Variants in SH3KBP1 observed in about 807,000 individuals in gnomAD.
The protein encoded by SH3KBP1 is SH3 domain containing kinase binding protein 1, also known as SH3 domain-containing kinase-binding protein 1.
A neutral mutation model predicts 50.1 loss-of-function variants in SH3KBP1; 8 were observed. The ratio of observed to expected loss-of-function variants is 0.16; its 90% CI spans 0.09 to 0.29. The LOEUF is 0.29. SH3KBP1 is among the 10% of genes least tolerant of loss of function. The pLI is 1.00. For synonymous variants in SH3KBP1, 227 were observed against 218.6 expected (o/e 1.04, Z -0.34); for missense variants, 377 against 535.2 (o/e 0.70, Z 2.92).
intron 7 of SH3KBP1, among the ~76,000 whole-genome samples, chrX:19,640,357 C>T (rs918114543): frequency 1.8e-5 from 2 of 111,269 alleles, no homozygotes; most frequent in Non-Finnish European, 3.8e-5. Context: ...AGAAACAGGA[C>T]CTGAGTCCAC....
chrX:19,834,606 C>T (rs906215750), intron 2 of SH3KBP1, among the ~76,000 whole-genome samples: 9 of 112,438 alleles, frequency 8.0e-5, no homozygotes, highest in African/African-American at 2.9e-4. Flanking sequence ...GAATGAGTTA[C>T]ATTTTTATAA....
intron 6 of SH3KBP1, among the ~76,000 whole-genome samples, chrX:19,676,477 ATAACT>A (rs1414328041): frequency 1.8e-5 from 2 of 111,637 alleles, no homozygotes; most frequent in Non-Finnish European, 3.8e-5. Context: ...ACATTTTAAA[ATAACT>A]TAAAGAGTAT....
chrX:19,875,674 G>A (rs931650359), intron 1 of SH3KBP1, among the ~76,000 whole-genome samples: 7 of 112,719 alleles, frequency 6.2e-5, no homozygotes, highest in African/African-American at 2.3e-4. Flanking sequence ...CTGTGTATAT[G>A]GAGGGTGGAG....
At chrX:19,836,065 T>A (rs1475916092) in intron 2 of SH3KBP1, 60 bp downstream of exon 2, 10 of 1,113,665 alleles carry the variant, frequency 9.0e-6, no homozygotes, top group Non-Finnish European at 1.2e-5. Context: ...AGCGCCCCCA[T>A]AGACTTTGGT....
At chrX:19,860,384 A>G (rs762122677) in intron 1 of SH3KBP1, among the ~76,000 whole-genome samples, 2 of 110,728 alleles carry the variant, frequency 1.8e-5, no homozygotes, top group South Asian at 3.8e-4. Context: ...TAAATATTGT[A>G]TAATTCTACT....
chrX:19,867,500 A>G (rs1225982084), intron 1 of SH3KBP1, among the ~76,000 whole-genome samples: 2 of 111,951 alleles, frequency 1.8e-5, no homozygotes, highest in Non-Finnish European at 3.8e-5. Context: ...TGAAATTGCA[A>G]CTGCAGTGTG....
At position 19,774,733 on chromosome X, in the gene SH3KBP1, T is replaced by C. The variant is rs907164032; in HGVS notation, c.163-28292A>G. On this transcript the variant is annotated intron_variant, in intron 2 of 17. Coordinates refer to ENST00000397821, the MANE Select transcript of SH3KBP1 (RefSeq NM_031892.3). ...AAGAAGAAACCTAAGGAAATTCTAG[T>C]TTATACTGCCTTCCCCAATAAATAT... is the stretch of plus-strand genomic sequence containing the variant. Among the ~76,000 whole-genome samples the C allele has an allele frequency of 6.4e-5, 7 of 109,454 alleles. No individual in the cohort carries two copies. In the Admixed American group the frequency reaches 6.8e-4, roughly 11 times the overall value.
At chrX:19,608,197 G>A in intron 8 of SH3KBP1, 152 bp from the exon 9 acceptor site, 2 of 436,087 alleles carry the variant, frequency 4.6e-6, no homozygotes, top group Non-Finnish European at 7.7e-6. Flanking sequence ...AATGTCAGAG[G>A]GGAAAACAAA....
chrX:19,663,229 TA>T (rs972288575), intron 6 of SH3KBP1, among the ~76,000 whole-genome samples: 15 of 112,031 alleles, frequency 1.3e-4, no homozygotes, highest in Non-Finnish European at 2.6e-4. Context: ...AACCCTCATT[TA>T]AAAAAACAAA....
chrX:19,770,765 C>T (rs58837043), intron 2 of SH3KBP1, among the ~76,000 whole-genome samples: 7,405 of 108,241 alleles, frequency 0.068, 663 homozygotes, highest in African/African-American at 0.24. Context: ...TGGTACCTCA[C>T]TGTGGTTTTG....
At chrX:19,667,292 T>A (rs967684026) in intron 6 of SH3KBP1, among the ~76,000 whole-genome samples, 3 of 111,791 alleles carry the variant, frequency 2.7e-5, no homozygotes, top group Non-Finnish European at 5.6e-5. Context: ...TGCACAAATA[T>A]ATGAATGTAC....
At chrX:19,671,023 G>T in intron 6 of SH3KBP1, 4 of 1,055,673 alleles carry the variant, frequency 3.8e-6, no homozygotes, top group Non-Finnish European at 4.9e-6. Flanking sequence ...AACAAAGCTC[G>T]CATTTGTTTA....
chrX:19,554,773 C>G (rs1280372936), intron 13 of SH3KBP1, among the ~76,000 whole-genome samples: 2 of 112,273 alleles, frequency 1.8e-5, no homozygotes, highest in Non-Finnish European at 3.8e-5. Context: ...GAAACAGCTA[C>G]CAAACCAAAC....
chrX:19,793,313 A>AAAAAATATATATAT (rs1418807395), intron 2 of SH3KBP1, among the ~76,000 whole-genome samples: 6 of 96,968 alleles, frequency 6.2e-5, no homozygotes, highest in African/African-American at 1.9e-4. Context: ...AGGAAAAAAA[A>AAAAAATATATATAT]ATATATATAT....
intron 2 of SH3KBP1, chrX:19,799,658 T>C: frequency 8.3e-7 from 1 of 1,210,271 alleles, no homozygotes; most frequent in East Asian, 3.0e-5. Context: ...CTGCGGCACT[T>C]GGGGCTTTGG....
At chrX:19,741,051 C>T (rs2064752389) in intron 3 of SH3KBP1, among the ~76,000 whole-genome samples, 1 of 112,708 alleles carries the variant, frequency 8.9e-6, no homozygotes, top group African/African-American at 3.2e-5. Flanking sequence ...GTGGCAAACA[C>T]GAGGTCCATA....
At chrX:19,821,736 AG>A (rs1334276815) in intron 2 of SH3KBP1, among the ~76,000 whole-genome samples, 5 of 111,031 alleles carry the variant, frequency 4.5e-5, no homozygotes, top group African/African-American at 6.6e-5. Flanking sequence ...TCACCGTGTT[AG>A]CCAGGATGGT....
At chrX:19,606,877 A>G (rs1309179359) in intron 9 of SH3KBP1, among the ~76,000 whole-genome samples, 1 of 112,131 alleles carries the variant, frequency 8.9e-6, no homozygotes, top group Non-Finnish European at 1.9e-5. Context: ...AAGAGAGAAC[A>G]ACAGGTGTGG....
intron 12 of SH3KBP1, among the ~76,000 whole-genome samples, chrX:19,580,811 G>A (rs1369006570): frequency 2.7e-5 from 3 of 110,908 alleles, no homozygotes; most frequent in African/African-American, 9.9e-5. Flanking sequence ...CACCCTGTAC[G>A]CAGTGATTTT....
Sources: allele counts gnomAD v4.1 joint callset (sites outside exome capture counted in the v4.1 genomes callset), GRCh38; gene constraint gnomAD v4.1.1; transcripts MANE v1.5; gene names NCBI Gene and HGNC (gene_info 2026-07-23, HGNC 2026-07-21).